The following RARB variants were observed in gnomAD, a reference collection of about 807,000 sequenced individuals.
RARB encodes HBV-activated protein.
RARB carries 17 observed loss-of-function variants against 51.9 expected under a neutral mutation model. The observed-to-expected ratio is 0.33, with a 90% CI of 0.22 to 0.49. The LOEUF is 0.49. RARB is among the 20% of genes least tolerant of loss of function. The pLI is 0.99. For synonymous variants in RARB, 215 were observed against 195.4 expected (o/e 1.10, Z -0.84); for missense variants, 369 against 550.8 (o/e 0.67, Z 3.30).
chr3:25,470,587 A>G (rs1355824151), intron 2 of RARB, among the ~76,000 whole-genome samples: 1 of 152,224 alleles, frequency 6.6e-6, no homozygotes, highest in African/African-American at 2.4e-5. Context: ...AAAATTGCCT[A>G]TATAGAGTTA....
At chr3:25,548,315 A>G (rs1462410073) in intron 3 of RARB, among the ~76,000 whole-genome samples, 2 of 152,154 alleles carry the variant, frequency 1.3e-5, no homozygotes, top group Non-Finnish European at 2.9e-5. Context: ...GGATACCCTG[A>G]TTGATTATCA....
intron 2 of RARB, among the ~76,000 whole-genome samples, chr3:25,001,829 C>T (rs1012553587): frequency 6.6e-5 from 10 of 152,274 alleles, no homozygotes; most frequent in Non-Finnish European, 1.2e-4. Context: ...ATCACTACTA[C>T]GCATCCATGT....
intron 5 of RARB, among the ~76,000 whole-genome samples, chr3:25,320,755 A>G (rs1704547516): frequency 6.6e-6 from 1 of 152,126 alleles, no homozygotes; most frequent in African/African-American, 2.4e-5. Context: ...CCTGGGGTTT[A>G]CTTTTGTTTG....
chr3:24,984,822 T>C (rs944590775), intron 2 of RARB, among the ~76,000 whole-genome samples: 1 of 152,212 alleles, frequency 6.6e-6, no homozygotes, highest in Non-Finnish European at 1.5e-5. Context: ...TGTGTATATG[T>C]ACAGCAAAAC....
intron 5 of RARB, among the ~76,000 whole-genome samples, chr3:25,585,014 GC>G (rs955770379): frequency 2.0e-5 from 3 of 146,852 alleles, no homozygotes; most frequent in Admixed American, 1.4e-4. Flanking sequence ...CCTTCAGCTT[GC>G]CCCAGCTGTT....
intron 2 of RARB, among the ~76,000 whole-genome samples, chr3:25,054,492 G>T (rs116823168): frequency 2.6e-5 from 4 of 152,144 alleles, no homozygotes; most frequent in Non-Finnish European, 5.9e-5. Flanking sequence ...TGTGAACCAT[G>T]ATCTCACTTT....
At chr3:25,484,995 A>G (rs918107133) in intron 2 of RARB, among the ~76,000 whole-genome samples, 6 of 152,354 alleles carry the variant, frequency 3.9e-5, no homozygotes, top group Admixed American at 3.3e-4. Flanking sequence ...GAAAGAAGTG[A>G]TATTATATTA....
At chr3:25,203,828 C>A (rs149679297) in intron 5 of RARB, among the ~76,000 whole-genome samples, 45 of 152,108 alleles carry the variant, frequency 3.0e-4, no homozygotes, top group African/African-American at 1.0e-3. Context: ...CTTCCCTTTG[C>A]GGGTAACCTG....
chr3:25,470,802 T>C (rs994889896), intron 2 of RARB, among the ~76,000 whole-genome samples: 5 of 152,126 alleles, frequency 3.3e-5, no homozygotes, highest in Non-Finnish European at 7.3e-5. Flanking sequence ...CTTAACACAA[T>C]TGAAATTAAG....
intron 3 of RARB, among the ~76,000 whole-genome samples, chr3:25,100,551 G>A (rs1488385485): frequency 2.0e-5 from 3 of 152,110 alleles, no homozygotes; most frequent in East Asian, 1.9e-4. Flanking sequence ...TGTATCATTC[G>A]GTAGTATAAC....
intron 2 of RARB, among the ~76,000 whole-genome samples, chr3:24,993,405 A>T (rs1267535319): frequency 1.3e-5 from 2 of 152,066 alleles, no homozygotes; most frequent in African/African-American, 4.8e-5. Context: ...TAAATTTTCA[A>T]AGTCTTTTTT....
chr3:25,295,754 G>GT (rs1159686010), intron 5 of RARB, among the ~76,000 whole-genome samples: 1 of 152,068 alleles, frequency 6.6e-6, no homozygotes, highest in Non-Finnish European at 1.5e-5. Context: ...TTCTCCTTTG[G>GT]TTTTGACTAA....
At chr3:25,394,870 T>C (rs1277315379) in intron 5 of RARB, among the ~76,000 whole-genome samples, 1 of 152,168 alleles carries the variant, frequency 6.6e-6, no homozygotes, top group Non-Finnish European at 1.5e-5. Context: ...TCTGAATCTT[T>C]TAAGTGGAAC....
chr3:25,278,321 A>G (rs959997598), intron 5 of RARB, among the ~76,000 whole-genome samples: 4 of 152,194 alleles, frequency 2.6e-5, no homozygotes, highest in Non-Finnish European at 5.9e-5. Flanking sequence ...AGCTTTAAAT[A>G]TGATGCAAAT....
intron 1 of RARB, among the ~76,000 whole-genome samples, chr3:24,836,757 A>C (rs1288029695): frequency 6.6e-6 from 1 of 152,218 alleles, no homozygotes; most frequent in African/African-American, 2.4e-5. Context: ...TAAATGCACA[A>C]GGAGAGGATT....
At position 25,597,757 on chromosome 3, in the gene RARB, C is replaced by CATTTAAGCACTAGTGGA. The variant is rs1156457676; in HGVS notation, c.*1146_*1162dup. 1 of 149,776 alleles carries CATTTAAGCACTAGTGGA rather than the reference C, an allele frequency of 6.7e-6. No individual in the cohort carries two copies. Among genetic ancestry groups the CATTTAAGCACTAGTGGA allele is most frequent in the Admixed American group, 6.7e-5 (1 of 14,862 alleles). The allele number at this position is 149,776 out of a possible 1,614,324, so 9.3% of individuals were successfully genotyped here. On this transcript the variant is annotated 3_prime_UTR_variant, in exon 8 of 8. Coordinates refer to ENST00000330688, the MANE Select transcript of RARB (RefSeq NM_000965.5). ...ATACAAGTGTCAGTTTCTTAGTTCT[C>CATTTAAGCACTAGTGGA]ATTTAAGCACTAGTGGAATTTTTTT...
At chr3:25,568,214 C>T (rs1700575047) in intron 3 of RARB, among the ~76,000 whole-genome samples, 1 of 152,180 alleles carries the variant, frequency 6.6e-6, no homozygotes. Flanking sequence ...AGGGTGTTCT[C>T]TTCAGACCTG....
At chr3:25,209,496 A>G (rs573915393) in intron 5 of RARB, among the ~76,000 whole-genome samples, 4 of 152,334 alleles carry the variant, frequency 2.6e-5, no homozygotes, top group South Asian at 2.1e-4. Context: ...GCCAAAGTCA[A>G]TGTTTTACAG....
Position 25,589,318 on chromosome 3 carries a change from C to G in RARB, c.787-4185C>G, listed in dbSNP as rs1559482058. Among the ~76,000 whole-genome samples the G allele has an allele frequency of 1.3e-5, 2 of 152,200 alleles. 1 individual carries two copies. Among genetic ancestry groups the G allele is most frequent in the East Asian group, 3.9e-4 (2 of 5,174 alleles). On this transcript the variant is annotated intron_variant, in intron 5 of 7. Coordinates refer to ENST00000330688, the MANE Select transcript of RARB (RefSeq NM_000965.5). ...ACCAAGATGGCCAGAAGTTCATGAG[C>G]AAAGGAAAGGAGGAGTAGTTAAAGT... is the stretch of plus-strand genomic sequence containing the variant.
Sources: gnomAD v4.1 joint callset for allele counts (sites outside exome capture counted in the v4.1 genomes callset) on GRCh38, gnomAD v4.1.1 for gene constraint, MANE v1.5 for transcripts, NCBI Gene and HGNC (gene_info 2026-07-23, HGNC 2026-07-21) for gene names.